ABCA13: variants seen among roughly 807,000 people sequenced by gnomAD.
ABCA13 encodes ATP-binding cassette sub-family A member 13.
In ABCA13, 476 loss-of-function variants were observed where a neutral mutation model predicts 478.7. The ratio of observed to expected loss-of-function variants is 0.99; its 90% confidence interval spans 0.92 to 1.07. The LOEUF is 1.07. ABCA13 is among the 50% of genes least tolerant of loss of function. The pLI is 0.00. For synonymous variants in ABCA13, 2,252 were observed against 2,158.9 expected (o/e 1.04, Z -1.20); for missense variants, 6,060 against 5,910.6 (o/e 1.03, Z -0.83).
chr7:48,190,803 T>G (rs891051893), intron 1 of ABCA13, among the ~76,000 whole-genome samples: 3 of 152,210 alleles, frequency 2.0e-5, no homozygotes, highest in African/African-American at 7.2e-5. Context: ...ACATGTATTT[T>G]GTAAATAGAT....
chr7:48,174,379 A>G (rs1301423782), intron 1 of ABCA13, among the ~76,000 whole-genome samples: 1 of 152,166 alleles, frequency 6.6e-6, no homozygotes, highest in Non-Finnish European at 1.5e-5. Context: ...TGTATCATTC[A>G]TAAAGAGCAA....
At chr7:48,525,351 T>G (rs1438851562) in intron 54 of ABCA13, among the ~76,000 whole-genome samples, 1 of 152,106 alleles carries the variant, frequency 6.6e-6, no homozygotes, top group East Asian at 1.9e-4. Context: ...AAAATCATGA[T>G]TATTATAGTT....
At chr7:48,376,921 G>A (rs1307300533) in intron 35 of ABCA13, among the ~76,000 whole-genome samples, 5 of 152,092 alleles carry the variant, frequency 3.3e-5, no homozygotes, top group Non-Finnish European at 7.4e-5. Flanking sequence ...GAGGGTGGGG[G>A]TGCTCAGAGT....
chr7:48,263,575 A>G (rs964834523), intron 15 of ABCA13, among the ~76,000 whole-genome samples: 2 of 151,910 alleles, frequency 1.3e-5, no homozygotes, highest in Non-Finnish European at 2.9e-5. Context: ...AAATAAAATG[A>G]TGTTTCTAAA....
At chr7:48,533,492 A>G (rs946956485) in intron 55 of ABCA13, among the ~76,000 whole-genome samples, 2 of 151,980 alleles carry the variant, frequency 1.3e-5, no homozygotes, top group African/African-American at 4.8e-5. Flanking sequence ...ATGTTCTGTA[A>G]TCATCTGTTG....
At chr7:48,472,937 A>C (rs573951605) in intron 45 of ABCA13, among the ~76,000 whole-genome samples, 2 of 152,324 alleles carry the variant, frequency 1.3e-5, no homozygotes, top group Admixed American at 1.3e-4. Flanking sequence ...GGCAATTAAC[A>C]GAAGAAAGAG....
At chr7:48,385,648 T>C (rs1298264940) in intron 35 of ABCA13, among the ~76,000 whole-genome samples, 1 of 152,188 alleles carries the variant, frequency 6.6e-6, no homozygotes, top group African/African-American at 2.4e-5. Context: ...TATAATAAGA[T>C]GATATATATT....
intron 61 of ABCA13, among the ~76,000 whole-genome samples, 176 bp downstream of exon 61, chr7:48,644,930 A>T (rs571995785): frequency 6.6e-6 from 1 of 152,084 alleles, no homozygotes; most frequent in Non-Finnish European, 1.5e-5. Flanking sequence ...TTTACTGTAT[A>T]CCCTTCTACT....
intron 5 of ABCA13, among the ~76,000 whole-genome samples, chr7:48,224,752 T>C (rs944107608): frequency 9.9e-5 from 15 of 152,150 alleles, no homozygotes; most frequent in African/African-American, 3.1e-4. Flanking sequence ...CAGGCAGTGA[T>C]GTTGTTCAGA....
Position 48,596,548 on chromosome 7 carries a change from T to C in ABCA13, c.14744+1735T>C, listed in dbSNP as rs567178640. ...ATTTGAGGCTAGGTGCCGTGGCTCA[T>C]GCCTGTAATCCCAGCACGTTGGGAG... On this transcript the variant is annotated intron_variant, in intron 58 of 61. Transcript: ENST00000435803. Among the ~76,000 whole-genome samples, 36 of 152,270 alleles carry C rather than the reference T, an allele frequency of 2.4e-4. No individual in the cohort carries two copies. In the South Asian group the frequency reaches 3.7e-3, roughly 16 times the overall value.
intron 35 of ABCA13, among the ~76,000 whole-genome samples, chr7:48,380,061 G>A (rs540461221): frequency 7.2e-5 from 11 of 152,252 alleles, no homozygotes; most frequent in African/African-American, 2.6e-4. Context: ...TTATAGAGAA[G>A]CCAAGGGGTG....
chr7:48,520,189 T>C lies in ABCA13; in HGVS notation c.13946T>C (p.Phe4649Ser), dbSNP rs1390670586. 6.2e-7 allele frequency: 1 copy of C among 1,613,710 alleles called. No homozygotes were observed. Among genetic ancestry groups the C allele is most frequent in the Non-Finnish European group, 8.5e-7 (1 of 1,179,792 alleles). The change falls in exon 53 of 62, where the codon TTT (phenylalanine) becomes TCT (serine). Residue 4649 changes from phenylalanine to serine, a missense_variant. By Grantham distance (155) the Phe-to-Ser change is radical. Coordinates refer to ENST00000435803, the MANE Select transcript of ABCA13 (RefSeq NM_152701.5). ...GGCATTGATTCCTATGTGAGTCCCT[T>C]TGAGATGAACTTTCTGGGCTGGATC... ...NFGIDSYVSP[F>S]EMNFLGWIFV...
chr7:48,451,325 T>C (rs1456280637), intron 42 of ABCA13, among the ~76,000 whole-genome samples: 1 of 152,134 alleles, frequency 6.6e-6, no homozygotes, highest in Non-Finnish European at 1.5e-5. Flanking sequence ...CTGGTTTATG[T>C]ATGTGATGAA....
At chr7:48,334,118 T>A (rs967517909) in intron 27 of ABCA13, among the ~76,000 whole-genome samples, 5 of 152,170 alleles carry the variant, frequency 3.3e-5, no homozygotes, top group Non-Finnish European at 7.3e-5. Context: ...GATTTTAATG[T>A]GTGTGTACGT....
At chr7:48,323,170 A>G (rs543566181) in intron 27 of ABCA13, among the ~76,000 whole-genome samples, 4 of 152,222 alleles carry the variant, frequency 2.6e-5, no homozygotes, top group African/African-American at 9.6e-5. Flanking sequence ...CACTACTTGA[A>G]ATTATCTCAT....
chr7:48,315,310 T>C (rs1420578342), intron 26 of ABCA13, among the ~76,000 whole-genome samples: 1 of 152,208 alleles, frequency 6.6e-6, no homozygotes, highest in Non-Finnish European at 1.5e-5. Context: ...AGGTCACATG[T>C]CGGGATTTCT....
At position 48,275,499 on chromosome 7, in the gene ABCA13, A is replaced by G; in HGVS notation, c.5833A>G (p.Ser1945Gly). 1.9e-6 allele frequency: 3 copies of G among 1,613,908 alleles called. No individual in the cohort carries two copies. The highest frequency in any genetic ancestry group is 1.6e-4 in the Middle Eastern group (1 of 6,062). The change falls in exon 17 of 62, where the codon AGT becomes GGT. Residue 1945 changes from serine to glycine, a missense_variant. This residue lies in a region of ABCA13 where 4,423 missense variants were observed against 4,309.1 expected (regional missense o/e 1.03). Coordinates refer to ENST00000435803, the MANE Select transcript of ABCA13 (RefSeq NM_152701.5). ...TRDSISELCP[S>G]GSIKQVALQI... ...GGATAGCATCTCTGAACTCTGTCCT[A>G]GTGGTTCCATAAAGCAAGTTGCTTT...
intron 31 of ABCA13, among the ~76,000 whole-genome samples, chr7:48,354,011 C>T (rs1248856417): frequency 1.3e-5 from 2 of 152,008 alleles, no homozygotes; most frequent in East Asian, 3.8e-4. Context: ...GAGGTGATAG[C>T]AGCAGGAGCA....
intron 48 of ABCA13, among the ~76,000 whole-genome samples, chr7:48,505,583 A>G (rs1479840028): frequency 1.3e-5 from 2 of 152,084 alleles, no homozygotes; most frequent in African/African-American, 2.4e-5. Flanking sequence ...CATACAAGCC[A>G]CACATTTGAC....
Sources: gnomAD v4.1 joint callset for allele counts (sites outside exome capture counted in the v4.1 genomes callset) on GRCh38, gnomAD v4.1.1 for gene constraint, gnomAD v4.1.1 regional missense constraint, MANE v1.5 for transcripts, NCBI Gene and HGNC (gene_info 2026-07-23, HGNC 2026-07-21) for gene names.